Variants in DPH6 observed in about 807,000 individuals in gnomAD.
DPH6 encodes diphthamine biosynthesis 6.
A neutral mutation model predicts 38.2 loss-of-function variants in DPH6; 33 were observed. That is an observed-to-expected ratio of 0.86 (90% CI 0.65 to 1.15). DPH6 has a LOEUF of 1.15. Among genes scored for constraint, DPH6 ranks in the 50% most tolerant of loss-of-function variants. The pLI is 0.00. For missense variants in DPH6, 325 were observed against 320.0 expected (o/e 1.02, Z -0.12); for synonymous variants, 108 against 103.0 (o/e 1.05, Z -0.30).
At chr15:35,402,443 A>G (rs2053232860) in intron 6 of DPH6, among the ~76,000 whole-genome samples, 2 of 152,182 alleles carry the variant, frequency 1.3e-5, no homozygotes, top group Admixed American at 6.5e-5. Flanking sequence ...TATATCATCC[A>G]TTATCATGTA....
chr15:35,406,954 A>G (rs1450272192), intron 6 of DPH6, among the ~76,000 whole-genome samples: 1 of 152,002 alleles, frequency 6.6e-6, no homozygotes, highest in Admixed American at 6.6e-5. Context: ...CTATGGAGGG[A>G]ACCACAATAT....
At chr15:35,384,670 A>AT (rs1307249281) in intron 6 of DPH6, among the ~76,000 whole-genome samples, 1 of 70,122 alleles carries the variant, frequency 1.4e-5, no homozygotes, top group East Asian at 4.0e-4. Context: ...TCTCAAAAAA[A>AT]TAAAAATAAA....
intron 3 of DPH6, chr15:35,283,028 C>CCTT (rs750202858): frequency 1.3e-4 from 26 of 201,556 alleles, no homozygotes; most frequent in Admixed American, 3.4e-4. Flanking sequence ...TCCTCTTCTT[C>CCTT]CTTCTTCTTC....
intron 6 of DPH6, among the ~76,000 whole-genome samples, chr15:35,393,358 G>A (rs866270824): frequency 6.6e-6 from 1 of 152,194 alleles, no homozygotes; most frequent in Non-Finnish European, 1.5e-5. Flanking sequence ...TATGACAAAC[G>A]ATGAATTAGA....
At chr15:35,349,415 C>T (rs550369650) in intron 3 of DPH6, among the ~76,000 whole-genome samples, 17 of 152,070 alleles carry the variant, frequency 1.1e-4, no homozygotes, top group Admixed American at 2.6e-4. Flanking sequence ...CAGTTGACTA[C>T]GTGCATTGTT....
chr15:35,329,998 CCAAA>C (rs1414234437), downstream of DPH6, among the ~76,000 whole-genome samples: 1 of 151,978 alleles, frequency 6.6e-6, no homozygotes, highest in Admixed American at 6.6e-5. Context: ...ATAATGACAA[CCAAA>C]CAAATACTAG....
intron 5 of DPH6, among the ~76,000 whole-genome samples, chr15:35,430,673 T>C (rs2053622357): frequency 6.6e-6 from 1 of 152,180 alleles, no homozygotes; most frequent in Admixed American, 6.5e-5. Context: ...TTCAACTGCT[T>C]AATACAAACA....
intron 3 of DPH6, among the ~76,000 whole-genome samples, chr15:35,500,444 A>C (rs1446294054): frequency 6.6e-6 from 1 of 152,230 alleles, no homozygotes; most frequent in African/African-American, 2.4e-5. Context: ...CTGGTGATCA[A>C]GGAGAATGAG....
At chr15:35,198,210 CAAAT>C in the DPH6 span, among the ~76,000 whole-genome samples, 1 of 150,172 alleles carries the variant, frequency 6.7e-6, no homozygotes, top group Non-Finnish European at 1.5e-5. Flanking sequence ...TCTAAGCTAT[CAAAT>C]AAAGAATACT....
chr15:35,430,442 G>T (rs2053618831), intron 5 of DPH6, among the ~76,000 whole-genome samples: 1 of 149,700 alleles, frequency 6.7e-6, no homozygotes, highest in East Asian at 2.0e-4. Context: ...TGGCCCCAGA[G>T]CACACAGGCT....
chr15:35,336,324 GGTCTTGTCACATA>G (rs1391283138), intron 3 of DPH6, among the ~76,000 whole-genome samples: 3 of 150,982 alleles, frequency 2.0e-5, no homozygotes, highest in African/African-American at 7.3e-5. Context: ...ACGAAGATTT[GGTCTTGTCACATA>G]GTCCCATATT....
intron 3 of DPH6, among the ~76,000 whole-genome samples, chr15:35,317,590 CA>C (rs79613862): frequency 1.4e-3 from 101 of 73,702 alleles, no homozygotes; most frequent in Middle Eastern, 8.1e-3. Context: ...TTCTGCTGGA[CA>C]AAAAAAAAAA....
At chr15:35,306,359 T>C (rs1359129869) in intron 3 of DPH6, among the ~76,000 whole-genome samples, 1 of 152,180 alleles carries the variant, frequency 6.6e-6, no homozygotes, top group African/African-American at 2.4e-5. Context: ...TTTCTAGAAC[T>C]GCACCATGCA....
intron 3 of DPH6, among the ~76,000 whole-genome samples, chr15:35,472,904 T>TAA (rs374089826): frequency 1.5e-5 from 2 of 135,154 alleles, no homozygotes; most frequent in Non-Finnish European, 1.6e-5. Context: ...AAGATGTAGT[T>TAA]AAAAAAAAAA....
intron 3 of DPH6, among the ~76,000 whole-genome samples, chr15:35,305,602 G>A (rs2052084068): frequency 6.6e-6 from 1 of 151,874 alleles, no homozygotes; most frequent in Admixed American, 6.6e-5. Context: ...TAATTACACA[G>A]GAAATTATGA....
intron 6 of DPH6, among the ~76,000 whole-genome samples, chr15:35,385,104 C>T (rs565113227): frequency 1.3e-5 from 2 of 152,162 alleles, no homozygotes; most frequent in East Asian, 3.9e-4. Flanking sequence ...CGATCATTAA[C>T]AAGTCAGGAA....
chr15:35,197,805 CAG>C, the DPH6 span, among the ~76,000 whole-genome samples: 5 of 152,128 alleles, frequency 3.3e-5, no homozygotes, highest in African/African-American at 7.2e-5. Flanking sequence ...AAAATGCAAA[CAG>C]GGGAATTTTT....
At chr15:35,362,373 A>G (rs530006145) in intron 3 of DPH6, among the ~76,000 whole-genome samples, 76 of 152,184 alleles carry the variant, frequency 5.0e-4, no homozygotes, top group Non-Finnish European at 9.9e-4. Flanking sequence ...AAGTCAGGAG[A>G]GACAGTAACC....
At chr15:35,200,724 T>C in the DPH6 span, among the ~76,000 whole-genome samples, 2 of 151,616 alleles carry the variant, frequency 1.3e-5, no homozygotes, top group African/African-American at 2.4e-5. Context: ...CATCTGTTCA[T>C]GGATTAAAAA....
Sources: gnomAD v4.1 joint callset for allele counts (sites outside exome capture counted in the v4.1 genomes callset) on GRCh38, gnomAD v4.1.1 for gene constraint, MANE v1.5 for transcripts, NCBI Gene and HGNC (gene_info 2026-07-23, HGNC 2026-07-21) for gene names.